The following MALRD1 variants were observed in gnomAD, a reference collection of about 807,000 sequenced individuals.
MALRD1 encodes MAM and LDL receptor class A domain containing 1.
In MALRD1, 247 loss-of-function variants were observed where a neutral mutation model predicts 242.1. The ratio of observed to expected loss-of-function variants is 1.02; its 90% CI spans 0.92 to 1.13. MALRD1 has a LOEUF of 1.13. MALRD1 is among the 50% of genes most tolerant of loss of function. The pLI is 0.00. For missense variants in MALRD1, 2,989 were observed against 2,533.1 expected (o/e 1.18, Z -3.86); for synonymous variants, 995 against 866.6 (o/e 1.15, Z -2.60).
chr10:19,583,779 G>A (rs1837249343), intron 33 of MALRD1, among the ~76,000 whole-genome samples: 1 of 151,406 alleles, frequency 6.6e-6, no homozygotes. Flanking sequence ...CTATTGATTG[G>A]AATAGTTTCA....
intron 3 of MALRD1, 25 bp from the exon 4 acceptor site, chr10:19,087,995 ATTGT>A (rs1182647605): frequency 4.9e-6 from 6 of 1,233,112 alleles, no homozygotes; most frequent in Non-Finnish European, 6.1e-6. Context: ...CTTTATCATA[ATTGT>A]TTGGGTACTA....
At position 19,584,399 on chromosome 10, in the gene MALRD1, C is replaced by T. The variant is rs1185780072; in HGVS notation, c.5681-10795C>T. 3.6e-4 allele frequency among the ~76,000 whole-genome samples: 55 copies of T among 151,878 alleles called. 1 individual carries two copies. Among genetic ancestry groups the T allele is most frequent in the East Asian group, 2.5e-3 (13 of 5,158 alleles). On this transcript the variant is annotated intron_variant, in intron 33 of 39. Transcript: ENST00000454679. ...TTCCCTCTACACACTGCTTTGAATG[C>T]GTCCCAGAGATTCTGGTATGTTGTG...
intron 21 of MALRD1, among the ~76,000 whole-genome samples, chr10:19,292,467 T>G (rs1379785743): frequency 6.6e-6 from 1 of 152,070 alleles, no homozygotes; most frequent in Non-Finnish European, 1.5e-5. Context: ...AGTACCCAGA[T>G]TTAAAAAAAA....
chr10:19,420,335 C>T (rs11498300), intron 28 of MALRD1, among the ~76,000 whole-genome samples: 11,929 of 151,402 alleles, frequency 0.079, 501 homozygotes, highest in East Asian at 0.14. Context: ...AATCGAAAAA[C>T]GTTGCTGTAT....
Position 19,123,611 on chromosome 10 carries a change from A to T in MALRD1, c.796+18A>T. 8.3e-7 allele frequency: 1 copy of T among 1,206,160 alleles called. No individual in the cohort carries two copies. Among genetic ancestry groups the T allele is most frequent in the Non-Finnish European group, 1.0e-6 (1 of 962,916 alleles). The allele number at this position is 1,206,160 out of a possible 1,614,324, so 74.7% of individuals were successfully genotyped here. A position where few individuals can be genotyped will look rare whatever the true frequency, so the allele number is the denominator to read the frequency against. Reference sequence around the variant, plus strand: ...GTTGAGATGTAAGTGTTAAATTGAGATATTCACTTTTCTGGTATATATGCA... The same window carrying T: ...GTTGAGATGTAAGTGTTAAATTGAGTTATTCACTTTTCTGGTATATATGCA... On this transcript the variant is annotated intron_variant, in intron 6 of 39. Transcript: ENST00000454679.
intron 21 of MALRD1, among the ~76,000 whole-genome samples, chr10:19,317,991 A>G (rs981988794): frequency 6.6e-6 from 1 of 152,052 alleles, no homozygotes; most frequent in African/African-American, 2.4e-5. Context: ...AGAAAAAGAT[A>G]TGCTTCTATA....
At chr10:19,395,899 A>C (rs1238205525) in intron 28 of MALRD1, among the ~76,000 whole-genome samples, 1 of 152,070 alleles carries the variant, frequency 6.6e-6, no homozygotes, top group Non-Finnish European at 1.5e-5. Context: ...GTTCCACTGG[A>C]ATCTCTTCTG....
At chr10:19,205,360 T>C (rs987548406) in intron 17 of MALRD1, 95 bp downstream of exon 17, 2 of 1,362,906 alleles carry the variant, frequency 1.5e-6, no homozygotes, top group African/African-American at 3.1e-5. Flanking sequence ...CCGATAACAG[T>C]AAGCATAGCT....
At chr10:19,136,824 A>C in intron 10 of MALRD1, 43 bp downstream of exon 10, 1 of 1,180,802 alleles carries the variant, frequency 8.5e-7, no homozygotes, top group Non-Finnish European at 1.1e-6. Flanking sequence ...CTCTAATTCA[A>C]GACTGTTAGT....
intron 36 of MALRD1, among the ~76,000 whole-genome samples, chr10:19,690,349 G>A (rs1166510893): frequency 1.3e-5 from 2 of 151,986 alleles, no homozygotes; most frequent in Non-Finnish European, 2.9e-5. Context: ...CAATCAATTA[G>A]TAGTATATAT....
intron 36 of MALRD1, among the ~76,000 whole-genome samples, chr10:19,652,648 G>A (rs960817485): frequency 5.9e-5 from 9 of 152,158 alleles, no homozygotes; most frequent in Non-Finnish European, 8.8e-5. Flanking sequence ...GCTGGGTGCA[G>A]TGTCTCACAC....
At chr10:19,221,227 G>A (rs1445742472) in intron 18 of MALRD1, among the ~76,000 whole-genome samples, 1 of 152,000 alleles carries the variant, frequency 6.6e-6, no homozygotes, top group Non-Finnish European at 1.5e-5. Context: ...AAATGTTTCT[G>A]AAGTTATGTT....
intron 18 of MALRD1, among the ~76,000 whole-genome samples, chr10:19,224,764 A>T (rs959720593): frequency 1.3e-5 from 2 of 151,706 alleles, no homozygotes; most frequent in Non-Finnish European, 2.9e-5. Flanking sequence ...GATTGCAAAA[A>T]TTTTCTCCCA....
intron 28 of MALRD1, among the ~76,000 whole-genome samples, chr10:19,389,845 T>A (rs900711128): frequency 2.0e-5 from 3 of 152,174 alleles, no homozygotes; most frequent in African/African-American, 7.2e-5. Flanking sequence ...ATATTTTTTG[T>A]AGAGATTTTA....
intron 2 of MALRD1, among the ~76,000 whole-genome samples, chr10:19,068,755 ATT>A: frequency 6.6e-6 from 1 of 152,224 alleles, no homozygotes; most frequent in African/African-American, 2.4e-5. Flanking sequence ...AAAAATTCTC[ATT>A]TCATAAGTAT....
intron 28 of MALRD1, among the ~76,000 whole-genome samples, chr10:19,399,748 A>C: frequency 6.6e-6 from 1 of 152,190 alleles, no homozygotes; most frequent in East Asian, 1.9e-4. Context: ...AATGTTTTAA[A>C]CTTTTTTTAA....
At chr10:19,605,712 G>A (rs1838584669) in intron 34 of MALRD1, among the ~76,000 whole-genome samples, 1 of 151,850 alleles carries the variant, frequency 6.6e-6, no homozygotes, top group Non-Finnish European at 1.5e-5. Context: ...GTATGCTAAA[G>A]GAATTCTCGT....
chr10:19,326,062 C>A (rs927801280), intron 22 of MALRD1, among the ~76,000 whole-genome samples: 1 of 152,012 alleles, frequency 6.6e-6, no homozygotes, highest in African/African-American at 2.4e-5. Flanking sequence ...TGTGAGACTT[C>A]GTTCTGAAAA....
chr10:19,101,286 A>G (rs1392794543), intron 4 of MALRD1, among the ~76,000 whole-genome samples: 1 of 146,652 alleles, frequency 6.8e-6, no homozygotes, highest in Non-Finnish European at 1.5e-5. Context: ...ATATGTAATA[A>G]ATATATAACA....
Sources: allele counts gnomAD v4.1 joint callset (sites outside exome capture counted in the v4.1 genomes callset), GRCh38; gene constraint gnomAD v4.1.1; transcripts MANE v1.5; gene names NCBI Gene and HGNC (gene_info 2026-07-23, HGNC 2026-07-21).